Variants in DYNC1I2 observed in about 807,000 individuals in gnomAD.
The protein encoded by DYNC1I2 is cytoplasmic dynein 1 intermediate chain 2.
In DYNC1I2, 53 loss-of-function variants were observed where a neutral mutation model predicts 88.6. That is an observed-to-expected ratio of 0.60 (90% CI 0.48 to 0.75). The LOEUF is 0.75. DYNC1I2 is among the 30% of genes least tolerant of loss of function. The pLI is 0.00. For synonymous variants in DYNC1I2, 198 were observed against 254.6 expected, an observed-to-expected ratio of 0.78 and a Z score of 2.12; for missense variants, 458 against 766.6, an observed-to-expected ratio of 0.60 and a Z score of 4.75.
intron 15 of DYNC1I2, among the ~76,000 whole-genome samples, chr2:171,739,242 A>C (rs926852441): frequency 6.6e-6 from 1 of 152,200 alleles, no homozygotes; most frequent in East Asian, 1.9e-4. Flanking sequence ...AGTTTTATTA[A>C]AATTTTGGTT....
At position 171,728,426 on chromosome 2, in the gene DYNC1I2, A is replaced by G; in HGVS notation, c.1257+8A>G. The G allele has an allele frequency of 6.6e-7, 1 of 1,505,298 alleles. No individual in the cohort carries two copies. The allele number at this position is 1,505,298 out of a possible 1,614,324, so 93.2% of individuals were successfully genotyped here. On this transcript the variant is annotated splice_region_variant and intron_variant, in intron 13 of 17. Coordinates refer to ENST00000397119, the MANE Select transcript of DYNC1I2 (RefSeq NM_001378.3). Reference sequence around the variant, plus strand: ...ATGCTTTCCCATCCACAGGTGGGTTAAACTTGGGAAACTGAAATTTTGAGG... The same window carrying G: ...ATGCTTTCCCATCCACAGGTGGGTTGAACTTGGGAAACTGAAATTTTGAGG...
chr2:171,733,459 C>CTATTTT (rs1688765363), intron 15 of DYNC1I2, among the ~76,000 whole-genome samples: 1 of 55,768 alleles, frequency 1.8e-5, no homozygotes, highest in African/African-American at 7.1e-5. Context: ...TTGCCAGCAT[C>CTATTTT]TTTTTTTTTT....
chr2:171,725,797 C>A, intron 8 of DYNC1I2, 84 bp downstream of exon 8: 1 of 1,269,190 alleles, frequency 7.9e-7, no homozygotes, highest in Non-Finnish European at 1.1e-6. Context: ...GGATGAAATG[C>A]TGTAAATCAA....
chr2:171,716,293 A>G (rs551224312), intron 7 of DYNC1I2, among the ~76,000 whole-genome samples: 27 of 152,182 alleles, frequency 1.8e-4, no homozygotes, highest in Non-Finnish European at 3.4e-4. Flanking sequence ...AGCAAAACAT[A>G]TGAACATACT....
At chr2:171,719,814 T>C (rs112966167) in intron 7 of DYNC1I2, among the ~76,000 whole-genome samples, 1,740 of 152,338 alleles carry the variant, frequency 0.011, 20 homozygotes, top group African/African-American at 0.035. Flanking sequence ...TTCTGAACTG[T>C]GGTGCTTTGC....
intron 3 of DYNC1I2, among the ~76,000 whole-genome samples, chr2:171,702,255 G>T (rs1686317346): frequency 6.6e-6 from 1 of 152,088 alleles, no homozygotes; most frequent in South Asian, 2.1e-4. Flanking sequence ...TTTCTTTGAG[G>T]TTCTTATTTC....
At chr2:171,723,505 G>A (rs569284445) in intron 7 of DYNC1I2, among the ~76,000 whole-genome samples, 4 of 152,182 alleles carry the variant, frequency 2.6e-5, no homozygotes, top group Non-Finnish European at 5.9e-5. Flanking sequence ...CATTACACCT[G>A]CAGGTGACTT....
chr2:171,726,990 C>A, intron 11 of DYNC1I2, 74 bp downstream of exon 11: 2 of 1,408,032 alleles, frequency 1.4e-6, no homozygotes, highest in Non-Finnish European at 1.9e-6. Context: ...TGCCTTTTTT[C>A]TTTTCTTGTC....
chr2:171,706,984 GC>G, intron 4 of DYNC1I2: 1 of 485,662 alleles, frequency 2.1e-6, no homozygotes, highest in Non-Finnish European at 3.6e-6. Flanking sequence ...AAAATTAGTG[GC>G]CACATTTGGT....
intron 15 of DYNC1I2, among the ~76,000 whole-genome samples, chr2:171,739,675 C>T (rs1253010872): frequency 6.8e-6 from 1 of 147,690 alleles, no homozygotes; most frequent in Non-Finnish European, 1.5e-5. Context: ...GGAGGGCCAT[C>T]CATTTGCGAT....
At chr2:171,747,727 A>G in intron 17 of DYNC1I2, 49 bp from the exon 18 acceptor site, 1 of 1,332,456 alleles carries the variant, frequency 7.5e-7, no homozygotes, top group Non-Finnish European at 1.1e-6. Flanking sequence ...TAGTGGGTAA[A>G]ATGATCTTTT....
At chr2:171,738,158 C>G (rs1275270876) in intron 15 of DYNC1I2, among the ~76,000 whole-genome samples, 1 of 151,808 alleles carries the variant, frequency 6.6e-6, no homozygotes, top group Non-Finnish European at 1.5e-5. Context: ...GTGGTGAAAC[C>G]CCATCTCTAC....
intron 5 of DYNC1I2, among the ~76,000 whole-genome samples, chr2:171,707,748 C>T (rs1686795363): frequency 6.6e-6 from 1 of 152,044 alleles, no homozygotes; most frequent in South Asian, 2.1e-4. Context: ...CTTGATTCCC[C>T]ATTCAGTAAT....
At chr2:171,698,800 T>G (rs562477290) in intron 3 of DYNC1I2, among the ~76,000 whole-genome samples, 1 of 151,738 alleles carries the variant, frequency 6.6e-6, no homozygotes, top group Non-Finnish European at 1.5e-5. Flanking sequence ...ACCCGGGAGG[T>G]GGAGCTTGCA....
At chr2:171,694,109 C>A (rs1311806212) in intron 3 of DYNC1I2, among the ~76,000 whole-genome samples, 2 of 151,642 alleles carry the variant, frequency 1.3e-5, no homozygotes, top group Non-Finnish European at 1.5e-5. Flanking sequence ...ACAATCTCGG[C>A]TCACTGCAAC....
chr2:171,749,599 A>G lies in DYNC1I2; in HGVS notation c.*1710A>G, dbSNP rs1689985544. On this transcript the variant is annotated 3_prime_UTR_variant, in exon 18 of 18. Coordinates refer to ENST00000397119, the MANE Select transcript of DYNC1I2 (RefSeq NM_001378.3). ...AAGTAGGGAAAACAAGTGTTAAAAC[A>G]TAATGGATAAGAAAAGGTTGGAAAT... Among the ~76,000 whole-genome samples, 1 of 152,162 alleles carries G rather than the reference A, an allele frequency of 6.6e-6. No homozygotes were observed. Among genetic ancestry groups the G allele is most frequent in the African/African-American group, 2.4e-5 (1 of 41,452 alleles).
intron 7 of DYNC1I2, 26 bp from the exon 8 acceptor site, chr2:171,725,592 T>C: frequency 1.5e-6 from 2 of 1,358,432 alleles, no homozygotes; most frequent in Non-Finnish European, 2.0e-6. Flanking sequence ...TTTTGTTTTT[T>C]TGTTTGTTTT....
intron 7 of DYNC1I2, among the ~76,000 whole-genome samples, chr2:171,717,271 G>A (rs1687570053): frequency 6.6e-6 from 1 of 150,776 alleles, no homozygotes; most frequent in Non-Finnish European, 1.5e-5. Context: ...CTGCCACCAC[G>A]CCCGGCTAAT....
chr2:171,749,828 C>G lies in DYNC1I2; in HGVS notation c.*1939C>G, dbSNP rs1258166274. 6.6e-6 allele frequency among the ~76,000 whole-genome samples: 1 copy of G among 151,914 alleles called. No homozygotes were observed. The highest frequency in any genetic ancestry group is 1.5e-5 in the Non-Finnish European group (1 of 67,948). ...TTTAAGGAATTACCTTTAAAGTTGA[C>G]TATATAATAGCAAAAGAGAAAGTAT... is the stretch of plus-strand genomic sequence containing the variant. On this transcript the variant is annotated 3_prime_UTR_variant, in exon 18 of 18. Transcript: ENST00000397119.
Sources: allele counts gnomAD v4.1 joint callset (sites outside exome capture counted in the v4.1 genomes callset), GRCh38; gene constraint gnomAD v4.1.1; transcripts MANE v1.5; gene names NCBI Gene and HGNC (gene_info 2026-07-23, HGNC 2026-07-21).